TSPEAR: variants seen among roughly 807,000 people sequenced by gnomAD.
TSPEAR encodes thrombospondin type laminin G domain and EAR repeats, also known as thrombospondin-type laminin G domain and EAR repeat-containing protein.
TSPEAR carries 69 observed loss-of-function variants against 71.6 expected under a neutral mutation model. The ratio of observed to expected loss-of-function variants is 0.96; its 90% CI spans 0.79 to 1.18. The LOEUF is 1.18. Among genes scored for constraint, TSPEAR ranks in the 50% most tolerant of loss-of-function variants. The pLI is 0.00. For missense variants in TSPEAR, 971 were observed against 894.9 expected (o/e 1.09, Z -1.09); for synonymous variants, 402 against 387.2 (o/e 1.04, Z -0.45).
At chr21:44,676,573 T>A (rs1986323404) in intron 1 of TSPEAR, 1 of 722,592 alleles carries the variant, frequency 1.4e-6, no homozygotes, top group African/African-American at 1.7e-5. Flanking sequence ...ATGATGAAAC[T>A]GTAATTCTTG....
chr21:44,592,775 C>A (rs143723545), intron 1 of TSPEAR, among the ~76,000 whole-genome samples: 2 of 152,248 alleles, frequency 1.3e-5, no homozygotes, highest in African/African-American at 4.8e-5. Flanking sequence ...CCACAGGTCG[C>A]GGCATCGTCC....
At chr21:44,638,890 C>G (rs587707397) in intron 1 of TSPEAR, among the ~76,000 whole-genome samples, 1 of 152,070 alleles carries the variant, frequency 6.6e-6, no homozygotes, top group Non-Finnish European at 1.5e-5. Flanking sequence ...CCTCACCCCT[C>G]CTGTTACCCC....
chr21:44,627,924 T>C (rs370716785), intron 1 of TSPEAR: 2 of 1,518,934 alleles, frequency 1.3e-6, no homozygotes, highest in Non-Finnish European at 1.8e-6. Flanking sequence ...CCTCCTGCTG[T>C]GCCCCCACCT....
chr21:44,525,374 C>G (rs1353800409), intron 8 of TSPEAR, among the ~76,000 whole-genome samples: 2 of 152,206 alleles, frequency 1.3e-5, no homozygotes, highest in Non-Finnish European at 2.9e-5. Flanking sequence ...GCTAGTCAGT[C>G]AGTCAGTTTC....
At chr21:44,627,358 G>A (rs1982889288) in intron 1 of TSPEAR, 14 of 1,613,532 alleles carry the variant, frequency 8.7e-6, no homozygotes, top group Non-Finnish European at 1.2e-5. Flanking sequence ...GGTGACCTGT[G>A]AGCCCAGCCC....
intron 1 of TSPEAR, among the ~76,000 whole-genome samples, chr21:44,664,431 G>T (rs1395648416): frequency 6.6e-6 from 1 of 152,110 alleles, no homozygotes; most frequent in Admixed American, 6.5e-5. Context: ...AAGAATCAGA[G>T]AAAACCTAAA....
chr21:44,668,029 T>C lies in TSPEAR; in HGVS notation c.82+43404A>G, dbSNP rs587598420. On this transcript the variant is annotated intron_variant, in intron 1 of 11. Transcript: ENST00000323084. The stretch of plus-strand genomic sequence containing the variant: ...ACAAAGCCAGCATAGTACTAGAAGT[T>C]TTACTAAGAGCAACTAGGCAATTGT... Among the ~76,000 whole-genome samples the C allele has an allele frequency of 7.2e-5, 11 of 152,238 alleles. No homozygotes were observed. In the East Asian group the frequency reaches 2.1e-3, roughly 29 times the overall value.
intron 1 of TSPEAR, among the ~76,000 whole-genome samples, chr21:44,650,281 C>T (rs1173819148): frequency 1.3e-5 from 2 of 152,006 alleles, no homozygotes; most frequent in African/African-American, 2.4e-5. Context: ...CATGACCTTA[C>T]GTGGAAACAG....
intron 9 of TSPEAR, among the ~76,000 whole-genome samples, chr21:44,521,456 C>T (rs1555914241): frequency 6.6e-6 from 1 of 152,228 alleles, no homozygotes; most frequent in Non-Finnish European, 1.5e-5. Flanking sequence ...GGCCCCCACG[C>T]TGCCCTGGGT....
intron 1 of TSPEAR, among the ~76,000 whole-genome samples, chr21:44,597,202 T>A (rs1980419292): frequency 6.6e-6 from 1 of 152,230 alleles, no homozygotes; most frequent in Non-Finnish European, 1.5e-5. Context: ...TTTTTAATTT[T>A]ATATTTTAAG....
chr21:44,533,648 A>C (rs2053021329), intron 3 of TSPEAR, 37 bp downstream of exon 3: 2 of 1,538,706 alleles, frequency 1.3e-6, no homozygotes, highest in Admixed American at 3.4e-5. Context: ...CAGGACTCTG[A>C]GGACTGCAGG....
At chr21:44,600,283 C>G (rs1980698851) in intron 1 of TSPEAR, among the ~76,000 whole-genome samples, 1 of 151,986 alleles carries the variant, frequency 6.6e-6, no homozygotes, top group African/African-American at 2.4e-5. Flanking sequence ...GCACAGGCCC[C>G]TGGGACACTC....
chr21:44,516,410 GCTC>G (rs1180679824), intron 9 of TSPEAR: 2 of 152,492 alleles, frequency 1.3e-5, no homozygotes, highest in Non-Finnish European at 2.9e-5. Context: ...GCTGCTGGGA[GCTC>G]CTCTGATTCC....
chr21:44,536,889 T>G (rs2053099137), intron 2 of TSPEAR, among the ~76,000 whole-genome samples: 1 of 152,150 alleles, frequency 6.6e-6, no homozygotes. Flanking sequence ...TGTAAAAAAT[T>G]TATATAGACA....
chr21:44,601,368 ATGCTGCCAGCCAGCT>A lies in TSPEAR; in HGVS notation c.83-33378_83-33364del, dbSNP rs1980881666. The A allele has an allele frequency of 2.5e-6, 4 of 1,600,412 alleles. No individual in the cohort carries two copies. The Admixed American group carries it at 6.8e-5, about 27-fold the overall frequency. On this transcript the variant is annotated intron_variant, in intron 1 of 11. Transcript: ENST00000323084. ...CCACCTGCTCTGATGATTCCGGTTCATGCTGCCAGCCAGCTTGCTGCACCTCCTCCCAAAGCCAGC... is the reference window on the plus strand; with the variant it reads ...CCACCTGCTCTGATGATTCCGGTTCATGCTGCACCTCCTCCCAAAGCCAGC...
At chr21:44,702,364 T>C in intron 1 of TSPEAR, 28 of 1,220,434 alleles carry the variant, frequency 2.3e-5, no homozygotes, top group Non-Finnish European at 2.9e-5. Context: ...GTCCAGCCCC[T>C]GCTGCCAGGC....
intron 2 of TSPEAR, among the ~76,000 whole-genome samples, chr21:44,541,224 G>C (rs1281272053): frequency 6.6e-6 from 1 of 152,130 alleles, no homozygotes; most frequent in Non-Finnish European, 1.5e-5. Flanking sequence ...AATCATGCCT[G>C]GCCCAAGGAA....
chr21:44,572,670 T>C (rs1274157766), intron 1 of TSPEAR, among the ~76,000 whole-genome samples: 2 of 151,820 alleles, frequency 1.3e-5, no homozygotes, highest in African/African-American at 4.8e-5. Context: ...TTGCTGTGGA[T>C]TGAATTGTGT....
chr21:44,654,700 G>A (rs587658581), intron 1 of TSPEAR: 27 of 893,818 alleles, frequency 3.0e-5, no homozygotes, highest in Admixed American at 1.2e-4. Flanking sequence ...CCAGGCTACC[G>A]GCATCCTGGC....
Sources: allele counts gnomAD v4.1 joint callset (sites outside exome capture counted in the v4.1 genomes callset), GRCh38; gene constraint gnomAD v4.1.1; transcripts MANE v1.5; gene names NCBI Gene and HGNC (gene_info 2026-07-23, HGNC 2026-07-21).